Variants in MBD2 observed in about 807,000 individuals in gnomAD.
MBD2 encodes methyl-CpG-binding domain protein 2.
Under a neutral mutation model 39.3 loss-of-function variants are expected in MBD2, and 9 were observed. That is an observed-to-expected ratio of 0.23 (90% confidence interval 0.14 to 0.40). MBD2 has a LOEUF of 0.40. Ranked by LOEUF, MBD2 falls within the 10% of genes least tolerant of loss-of-function variation. MBD2 has a pLI of 1.00. For synonymous variants in MBD2, 233 were observed against 211.1 expected, an observed-to-expected ratio of 1.10 and a Z score of -0.90; for missense variants, 458 against 532.6, an observed-to-expected ratio of 0.86 and a Z score of 1.38.
intron 2 of MBD2, chr18:54,203,050 CAG>C (rs761914427): frequency 1.4e-5 from 20 of 1,396,556 alleles, no homozygotes; most frequent in Admixed American, 8.4e-5. Flanking sequence ...TATGAGCAAG[CAG>C]AGTCTTGAAA....
At chr18:54,206,253 C>T (rs1230617166) in intron 1 of MBD2, among the ~76,000 whole-genome samples, 7 of 152,228 alleles carry the variant, frequency 4.6e-5, no homozygotes, top group East Asian at 1.9e-4. Flanking sequence ...CAGAATTATA[C>T]GGAGGACTAG....
intron 1 of MBD2, among the ~76,000 whole-genome samples, chr18:54,218,399 T>C (rs781595651): frequency 6.6e-6 from 1 of 152,206 alleles, no homozygotes; most frequent in African/African-American, 2.4e-5. Context: ...AGGATACAAG[T>C]GTAATAGTAA....
At position 54,157,667 on chromosome 18, in the gene MBD2, T is replaced by C. The variant is rs138108028; in HGVS notation, c.*12+2098A>G. Among the ~76,000 whole-genome samples, 28 of 152,330 alleles carry C rather than the reference T, an allele frequency of 1.8e-4. No homozygotes were observed. In the East Asian group the frequency reaches 5.4e-3, roughly 29 times the overall value. Reference sequence around the variant, plus strand: ...ATGTATTATTGGATTTTGGTCTTGCTGTGGCATGAAAGATAAAGGCACTAT... The same window carrying C: ...ATGTATTATTGGATTTTGGTCTTGCCGTGGCATGAAAGATAAAGGCACTAT... On this transcript the variant is annotated intron_variant, in intron 6 of 6. Coordinates refer to ENST00000256429, the MANE Select transcript of MBD2 (RefSeq NM_003927.5).
chr18:54,160,294 A>G (rs1315586877), intron 5 of MBD2, among the ~76,000 whole-genome samples: 1 of 152,236 alleles, frequency 6.6e-6, no homozygotes, highest in African/African-American at 2.4e-5. Context: ...TGACTTGTTC[A>G]TAGAAGCACT....
Position 54,224,393 on chromosome 18 carries a change from C to T in MBD2, c.167G>A (p.Gly56Asp). 8.0e-7 allele frequency: 1 copy of T among 1,242,966 alleles called. No homozygotes were observed. Among genetic ancestry groups the T allele is most frequent in the Non-Finnish European group, 1.0e-6 (1 of 992,868 alleles). The allele number at this position is 1,242,966 out of a possible 1,614,324, so 77.0% of individuals were successfully genotyped here. ...VSGVRREGAR[G>D]GGRGRGRWKQ... is the part of the protein sequence containing the mutation. ...CCACCGCCCCCGGCCACGGCCGCCG[C>T]CCCGAGCGCCTTCCCTGCGCACGCC... Residue 56 changes from glycine (G) to aspartate (D), a missense_variant, in exon 1 of 7, where the codon GGC (glycine) becomes GAC (aspartate). Gly to Asp is a moderately conservative substitution (Grantham distance 94). Around this residue, in one of 2 missense-constraint regions of MBD2, gnomAD observed 269 missense variants for 236.0 expected, o/e 1.14. Coordinates refer to ENST00000256429, the MANE Select transcript of MBD2 (RefSeq NM_003927.5).
rs373981112 is a variant in MBD2 at position 54,164,626 on chromosome 18, T to C, written c.1006A>G (p.Ile336Val). The C allele has an allele frequency of 9.4e-5, 152 of 1,614,046 alleles. No individual in the cohort carries two copies. Among genetic ancestry groups the C allele is most frequent in the Non-Finnish European group, 1.2e-4 (144 of 1,180,024 alleles). The change falls in exon 5 of 7, where the codon ATC becomes GTC. Residue 336 changes from isoleucine (I) to valine (V), a missense_variant. Around this residue, in one of 2 missense-constraint regions of MBD2, gnomAD observed 189 missense variants for 296.6 expected, o/e 0.64. Transcript: ENST00000256429. ...ACAGCAGCGGAGACTTGCCCTGTGA[T>C]TGGCGCAGAGCTTGTGTGCAAAGCA... ...ASALHTSSAP[I>V]TGQVSAAVEK...
At chr18:54,189,104 A>T in intron 2 of MBD2, 93 bp from the exon 3 acceptor site, 1 of 831,696 alleles carries the variant, frequency 1.2e-6, no homozygotes. Context: ...TTTAAATCAA[A>T]TTATTCCAAA....
rs749560980 is a variant in MBD2, at chr18:54,166,104, T to G, written c.903A>C (p.Lys301Asn). The G allele has an allele frequency of 5.6e-6, 9 of 1,613,782 alleles. No individual in the cohort carries two copies. Among genetic ancestry groups the G allele is most frequent in the Non-Finnish European group, 6.8e-6 (8 of 1,179,730 alleles). Residue 301 changes from lysine to asparagine, a missense_variant, in exon 4 of 7, where the codon AAA (lysine) becomes AAC (asparagine). Physicochemically the swap from Lys to Asn is moderately conservative, Grantham distance 94. Coordinates refer to ENST00000256429, the MANE Select transcript of MBD2 (RefSeq NM_003927.5). Reference protein sequence around the residue: ...SASDVTEQIIKTMELPKGLQG... With the variant: ...SASDVTEQIINTMELPKGLQG... Reference sequence around the variant, plus strand: ...GAAGACCTTTGGGTAGTTCCATGGTTTTTATAATTTGTTCTGTTACATCTG... The same window carrying G: ...GAAGACCTTTGGGTAGTTCCATGGTGTTTATAATTTGTTCTGTTACATCTG...
rs141645355 is a variant in MBD2 at position 54,223,649 on chromosome 18, G to C, written c.542+369C>G. ...CCACATGTGCATGCTTAACACTTGT[G>C]ATGATGAATCTGGGACAGGCTGGGA... On this transcript the variant is annotated intron_variant, in intron 1 of 6. Coordinates refer to ENST00000256429, the MANE Select transcript of MBD2 (RefSeq NM_003927.5). Among the ~76,000 whole-genome samples the C allele has an allele frequency of 2.2e-3, 337 of 152,342 alleles. 3 individuals carry two copies. Among genetic ancestry groups the C allele is most frequent in the African/African-American group, 7.6e-3 (314 of 41,584 alleles).
chr18:54,222,222 T>C (rs2086620246), intron 1 of MBD2: 1 of 372,198 alleles, frequency 2.7e-6, no homozygotes, highest in East Asian at 6.6e-5. Context: ...TAAATGAAAC[T>C]AATGAACTTG....
intron 3 of MBD2, among the ~76,000 whole-genome samples, chr18:54,167,168 A>G (rs1049581330): frequency 6.6e-6 from 1 of 152,204 alleles, no homozygotes; most frequent in Non-Finnish European, 1.5e-5. Flanking sequence ...GGCCTGTCAC[A>G]TAGTTGGTAC....
Position 54,171,991 on chromosome 18 carries a change from A to G in MBD2, c.841-5825T>C, listed in dbSNP as rs1599080729. ...TGGCTCTTGTTAGGTTATATAGTAC[A>G]AGCCTCAGACACTTCTACTCATGCC... On this transcript the variant is annotated intron_variant, in intron 3 of 6. Transcript: ENST00000256429. Among the ~76,000 whole-genome samples the G allele has an allele frequency of 2.0e-5, 3 of 152,360 alleles. No individual in the cohort carries two copies. The East Asian group carries it at 5.8e-4, about 29-fold the overall frequency.
At chr18:54,161,376 T>G (rs914870645) in intron 5 of MBD2, among the ~76,000 whole-genome samples, 1 of 152,220 alleles carries the variant, frequency 6.6e-6, no homozygotes, top group Non-Finnish European at 1.5e-5. Context: ...AAACTGGAAT[T>G]TGACAGATTT....
rs188650889 is a variant in MBD2 at position 54,177,924 on chromosome 18, G to A, written c.840+10950C>T. Among the ~76,000 whole-genome samples the A allele has an allele frequency of 4.4e-3, 598 of 137,408 alleles. 4 individuals are homozygous for A. The highest frequency in any genetic ancestry group is 0.014 in the Middle Eastern group (3 of 216). The allele number at this position is 137,408 out of a possible 152,430, so 90.1% of individuals were successfully genotyped here. On this transcript the variant is annotated intron_variant, in intron 3 of 6. Transcript: ENST00000256429. ...GTATGATCATAGCTCGCTGCAACCTGCAACTCCGGGGCTCAAGGAATCCTC... is the reference window on the plus strand; with the variant it reads ...GTATGATCATAGCTCGCTGCAACCTACAACTCCGGGGCTCAAGGAATCCTC...
chr18:54,178,730 C>G (rs547064392), intron 3 of MBD2, among the ~76,000 whole-genome samples: 1 of 152,234 alleles, frequency 6.6e-6, no homozygotes, highest in East Asian at 1.9e-4. Flanking sequence ...AGCTCATATA[C>G]AGACTGAGTT....
intron 3 of MBD2, among the ~76,000 whole-genome samples, chr18:54,169,939 A>G (rs1764565567): frequency 6.6e-6 from 1 of 152,236 alleles, no homozygotes. Context: ...ATATTAGAAC[A>G]TTGGCTAGCT....
At chr18:54,223,471 T>G (rs2086631906) in intron 1 of MBD2, among the ~76,000 whole-genome samples, 1 of 152,194 alleles carries the variant, frequency 6.6e-6, no homozygotes, top group Non-Finnish European at 1.5e-5. Context: ...TCTAGGAGTC[T>G]AAAAACTTAG....
rs1251019599 is a variant in MBD2 at position 54,155,152 on chromosome 18, G to A, written c.*172C>T. The A allele has an allele frequency of 6.6e-6, 1 of 152,332 alleles. No homozygotes were observed. Among genetic ancestry groups the A allele is most frequent in the East Asian group, 1.9e-4 (1 of 5,196 alleles). The allele number at this position is 152,332 out of a possible 1,614,324, so 9.4% of individuals were successfully genotyped here. A position where few individuals can be genotyped will look rare whatever the true frequency, so the allele number is the denominator to read the frequency against. ...AATAAACATGATTTTTTGAATAATAGATATATACATCAAAAATACATCTAA... is the reference window on the plus strand; with the variant it reads ...AATAAACATGATTTTTTGAATAATAAATATATACATCAAAAATACATCTAA... On this transcript the variant is annotated 3_prime_UTR_variant, in exon 7 of 7. Coordinates refer to ENST00000256429, the MANE Select transcript of MBD2 (RefSeq NM_003927.5).
At chr18:54,169,676 G>C (rs1568080329) in intron 3 of MBD2, among the ~76,000 whole-genome samples, 1 of 152,210 alleles carries the variant, frequency 6.6e-6, no homozygotes, top group Non-Finnish European at 1.5e-5. Context: ...CACTACTGCT[G>C]TCATAAATCC....
Sources: gnomAD v4.1 joint callset for allele counts (sites outside exome capture counted in the v4.1 genomes callset) on GRCh38, gnomAD v4.1.1 for gene constraint, gnomAD v4.1.1 regional missense constraint, MANE v1.5 for transcripts, NCBI Gene and HGNC (gene_info 2026-07-23, HGNC 2026-07-21) for gene names.